ESRRB: variants seen among roughly 807,000 people sequenced by gnomAD.
The protein encoded by ESRRB is estrogen related receptor beta.
ESRRB carries 16 observed loss-of-function variants against 46.0 expected under a neutral mutation model. That is an observed-to-expected ratio of 0.35 (90% CI 0.24 to 0.53). The LOEUF is 0.53. Among genes scored for constraint, ESRRB ranks in the 20% least tolerant of loss-of-function variants. The probability of loss-of-function intolerance (pLI) is 0.93; values close to 1 mark genes in which losing one functional copy is unlikely to be tolerated. For synonymous variants in ESRRB, 246 were observed against 259.6 expected (o/e 0.95, Z 0.50); for missense variants, 488 against 607.4 (o/e 0.80, Z 2.07).
intron 1 of ESRRB, 143 bp from the exon 2 acceptor site, chr14:76,439,198 A>G (rs901704855): frequency 7.4e-6 from 7 of 944,088 alleles, no homozygotes; most frequent in Admixed American, 7.1e-5. Flanking sequence ...CCGAGGGGAG[A>G]CCAGCTGACC....
chr14:76,344,725 A>G (rs1884229523), intron 1 of ESRRB, among the ~76,000 whole-genome samples: 1 of 152,002 alleles, frequency 6.6e-6, no homozygotes, highest in Non-Finnish European at 1.5e-5. Flanking sequence ...GGTGGTGGGC[A>G]CCTGTAGTCC....
intron 2 of ESRRB, among the ~76,000 whole-genome samples, chr14:76,442,413 G>A (rs1303337930): frequency 1.3e-5 from 2 of 151,954 alleles, no homozygotes; most frequent in African/African-American, 4.8e-5. Context: ...GAGGCAGAGG[G>A]TGCAGTGAGC....
At chr14:76,373,752 G>A (rs1026370135), upstream of ESRRB, among the ~76,000 whole-genome samples, 2 of 152,236 alleles carry the variant, frequency 1.3e-5, no homozygotes, top group Non-Finnish European at 2.9e-5. Context: ...AGGTCTCTAG[G>A]AGTTCATTCC....
intron 1 of ESRRB, among the ~76,000 whole-genome samples, chr14:76,384,655 C>A (rs1000973662): frequency 6.6e-6 from 1 of 152,168 alleles, no homozygotes; most frequent in Admixed American, 6.5e-5. Context: ...GGCTTCTATG[C>A]CCCGTGCCAT....
intron 1 of ESRRB, among the ~76,000 whole-genome samples, chr14:76,359,704 G>A (rs1318046116): frequency 6.6e-6 from 1 of 152,186 alleles, no homozygotes; most frequent in Admixed American, 6.5e-5. Flanking sequence ...TCCCAGGGCT[G>A]TTGGAATGGG....
chr14:76,439,117 G>T (rs1291620970), intron 1 of ESRRB, among the ~76,000 whole-genome samples: 1 of 152,170 alleles, frequency 6.6e-6, no homozygotes, highest in Non-Finnish European at 1.5e-5. Flanking sequence ...GAAGTTTATT[G>T]ATCAAAATAA....
intron 1 of ESRRB, among the ~76,000 whole-genome samples, chr14:76,360,446 C>T (rs1398645609): frequency 6.6e-6 from 1 of 151,998 alleles, no homozygotes; most frequent in Non-Finnish European, 1.5e-5. Context: ...AGAGAGACAG[C>T]ATATGAAGAG....
In ESRRB at chr14:76,378,123, T is replaced by C. The variant is rs186003498; in HGVS notation, c.50+1672T>C. Among the ~76,000 whole-genome samples the C allele has an allele frequency of 3.8e-3, 575 of 152,268 alleles. 1 individual carries two copies. Among genetic ancestry groups the C allele is most frequent in the Non-Finnish European group, 5.7e-3 (391 of 68,032 alleles). Reference sequence around the variant, plus strand: ...ATAAAATGATCAAGTATGACAAATATTGGATATTTAAATTATTAAGGCTCC... The same window carrying C: ...ATAAAATGATCAAGTATGACAAATACTGGATATTTAAATTATTAAGGCTCC... On this transcript the variant is annotated intron_variant, in intron 1 of 6. Coordinates refer to ENST00000644823, the MANE Select transcript of ESRRB (RefSeq NM_001379180.1).
intron 1 of ESRRB, among the ~76,000 whole-genome samples, chr14:76,362,856 T>C (rs1042484309): frequency 2.0e-5 from 3 of 152,228 alleles, no homozygotes; most frequent in Non-Finnish European, 4.4e-5. Context: ...CAAGTTTCTA[T>C]GTACAGTTTC....
At chr14:76,432,697 A>C (rs1595112037) in intron 1 of ESRRB, among the ~76,000 whole-genome samples, 1 of 93,454 alleles carries the variant, frequency 1.1e-5, no homozygotes, top group Non-Finnish European at 1.8e-5. Context: ...TTTTTCTGAG[A>C]CGGTGTCTCG....
At chr14:76,415,475 C>T (rs1012261968) in intron 1 of ESRRB, among the ~76,000 whole-genome samples, 4 of 152,074 alleles carry the variant, frequency 2.6e-5, no homozygotes, top group Non-Finnish European at 5.9e-5. Flanking sequence ...GCCTGGCCAA[C>T]GTGGTAAAAC....
In ESRRB at chr14:76,499,139, C is replaced by A. The variant is rs999450836; in HGVS notation, c.*681C>A. On this transcript the variant is annotated 3_prime_UTR_variant, in exon 7 of 7. Transcript: ENST00000644823. ...CGCGCCGGTGTCCACCTGTCCTCCT[C>A]CTCTTCTCCTCCCCCCGGGAGTCCC... The A allele has an allele frequency of 3.2e-6, 1 of 316,284 alleles. No individual in the cohort carries two copies. The highest frequency in any genetic ancestry group is 2.2e-5 in the African/African-American group (1 of 44,504). 19.6% of individuals were successfully genotyped at this position (316,284 alleles called of 1,614,324 possible). A position where few individuals can be genotyped will look rare whatever the true frequency, so the allele number is the denominator to read the frequency against.
chr14:76,367,294 C>T (rs551865135), upstream of ESRRB, among the ~76,000 whole-genome samples: 1 of 152,170 alleles, frequency 6.6e-6, no homozygotes, highest in South Asian at 2.1e-4. Flanking sequence ...GTGGCTCATG[C>T]CTGTAATCCC....
intron 1 of ESRRB, among the ~76,000 whole-genome samples, chr14:76,428,841 G>A (rs757860743): frequency 3.9e-5 from 6 of 152,160 alleles, no homozygotes; most frequent in South Asian, 2.1e-4. Flanking sequence ...TAATTTGTGC[G>A]GAATGAGATT....
At chr14:76,446,080 G>A (rs1221395919) in intron 2 of ESRRB, among the ~76,000 whole-genome samples, 5 of 152,328 alleles carry the variant, frequency 3.3e-5, no homozygotes, top group Non-Finnish European at 5.9e-5. Flanking sequence ...CGGCCTGTAA[G>A]CCAGCCACCC....
In ESRRB at chr14:76,467,454, T is replaced by C. The variant is rs546390791; in HGVS notation, c.577+4793T>C. On this transcript the variant is annotated intron_variant, in intron 3 of 6. Transcript: ENST00000644823. ...AGGCAGAGGTTGCAGTGAGCTGAGA[T>C]TGTGTCACTGCATTCCAGCCTGGGC... Among the ~76,000 whole-genome samples, 12 of 150,414 alleles carry C rather than the reference T, an allele frequency of 8.0e-5. No homozygotes were observed. In the South Asian group the frequency reaches 2.5e-3, roughly 32 times the overall value.
At chr14:76,429,377 ATTG>A (rs1887336453) in intron 1 of ESRRB, among the ~76,000 whole-genome samples, 1 of 152,216 alleles carries the variant, frequency 6.6e-6, no homozygotes, top group African/African-American at 2.4e-5. Context: ...AGTGTTACCT[ATTG>A]TTGAAAGCTG....
At chr14:76,341,068 T>C (rs1884186154) in intron 1 of ESRRB, among the ~76,000 whole-genome samples, 1 of 151,774 alleles carries the variant, frequency 6.6e-6, no homozygotes. Flanking sequence ...CGAGACAGGG[T>C]TTCCCCAAGC....
rs550639180 is a variant in ESRRB at position 76,473,557 on chromosome 14, C to A, written c.578-8459C>A. Among the ~76,000 whole-genome samples the A allele has an allele frequency of 3.3e-5, 5 of 152,318 alleles. No homozygotes were observed. The East Asian group carries it at 5.8e-4, about 18-fold the overall frequency. On this transcript the variant is annotated intron_variant, in intron 3 of 6. Coordinates refer to ENST00000644823, the MANE Select transcript of ESRRB (RefSeq NM_001379180.1). The stretch of plus-strand genomic sequence containing the variant: ...GGGCCACGCTTTGCAGAGCTTTAGC[C>A]GGCTATTTTTAGTGCCCGGGTGTAA...
Sources: gnomAD v4.1 joint callset for allele counts (sites outside exome capture counted in the v4.1 genomes callset) on GRCh38, gnomAD v4.1.1 for gene constraint, MANE v1.5 for transcripts, NCBI Gene and HGNC (gene_info 2026-07-23, HGNC 2026-07-21) for gene names.